Variants in KDM3B observed in about 807,000 individuals in gnomAD.
The protein encoded by KDM3B is lysine demethylase 3B, also known as lysine-specific demethylase 3B.
Under a neutral mutation model 170.0 loss-of-function variants are expected in KDM3B, and 10 were observed. The observed-to-expected ratio is 0.06, with a 90% CI of 0.04 to 0.10. The LOEUF (loss-of-function observed/expected upper bound fraction) is 0.10, where lower values mean the gene tolerates loss of function less well. Among genes scored for constraint, KDM3B ranks in the 10% least tolerant of loss-of-function variants. KDM3B has a pLI of 1.00. For missense variants in KDM3B, 1,394 were observed against 2,195.2 expected (o/e 0.64, Z 7.29); for synonymous variants, 831 against 834.8 (o/e 1.00, Z 0.08).
chr5:138,421,082 A>T, intron 15 of KDM3B, 120 bp downstream of exon 15: 1 of 1,189,252 alleles, frequency 8.4e-7, no homozygotes, highest in Non-Finnish European at 1.2e-6. Flanking sequence ...CAAGCTGACA[A>T]GGTCTCTCTT....
rs1363512488 is a variant in KDM3B, at chr5:138,430,260, A to G, written c.4905A>G (p.Glu1635=). 4 of 1,613,862 alleles carry G rather than the reference A, an allele frequency of 2.5e-6. No homozygotes were observed. The highest frequency in any genetic ancestry group is 3.4e-6 in the Non-Finnish European group (4 of 1,179,910). Residue 1635 remains glutamate, a synonymous_variant, in exon 22 of 24, where the codon GAA becomes GAG. Coordinates refer to ENST00000314358, the MANE Select transcript of KDM3B (RefSeq NM_016604.4). ...GATTATGGCTTCAGGTTGGAGAAGA[A>G]CAAGGCCAAGAGAACCCCCCTGATC... ...IRELLRKVGE[E]QGQENPPDHD... is the part of the protein sequence containing the mutation.
chr5:138,417,391 T>G, intron 12 of KDM3B, 92 bp from the exon 13 acceptor site: 1 of 1,238,876 alleles, frequency 8.1e-7, no homozygotes, highest in Non-Finnish European at 1.1e-6. Flanking sequence ...GTGGTAAGGA[T>G]TGAGGGAGAT....
intron 1 of KDM3B, among the ~76,000 whole-genome samples, chr5:138,356,398 G>A (rs918408339): frequency 1.3e-5 from 2 of 152,098 alleles, no homozygotes; most frequent in Non-Finnish European, 2.9e-5. Context: ...GGTATCATCA[G>A]TCTTTCTCAT....
At chr5:138,408,239 A>C (rs1034058364) in intron 11 of KDM3B, among the ~76,000 whole-genome samples, 12 of 152,060 alleles carry the variant, frequency 7.9e-5, no homozygotes, top group Non-Finnish European at 1.3e-4. Context: ...TGTAAATCAG[A>C]CGCCGCCGCC....
chr5:138,419,367 C>T (rs1763193012), intron 14 of KDM3B, 135 bp downstream of exon 14: 1 of 1,119,560 alleles, frequency 8.9e-7, no homozygotes, highest in East Asian at 2.6e-5. Flanking sequence ...ACATGAGGGA[C>T]TGCCGGGGCC....
intron 1 of KDM3B, among the ~76,000 whole-genome samples, chr5:138,359,600 C>T (rs1465402975): frequency 1.3e-5 from 2 of 151,730 alleles, no homozygotes; most frequent in African/African-American, 4.8e-5. Flanking sequence ...AGCCACTGCA[C>T]TTGGCCTGGA....
Position 138,435,714 on chromosome 5 carries a change from C to T in KDM3B, c.*14C>T, listed in dbSNP as rs2127014431. On this transcript the variant is annotated 3_prime_UTR_variant, in exon 24 of 24. Coordinates refer to ENST00000314358, the MANE Select transcript of KDM3B (RefSeq NM_016604.4). ...GCAAGGTCCTAGGCATGGAGAAACTCCAAGCTCCTCTGTGAAGCAGGTCTT... is the reference window on the plus strand; with the variant it reads ...GCAAGGTCCTAGGCATGGAGAAACTTCAAGCTCCTCTGTGAAGCAGGTCTT... 1 of 1,602,022 alleles carries T rather than the reference C, an allele frequency of 6.2e-7. No homozygotes were observed. The highest frequency in any genetic ancestry group is 8.5e-7 in the Non-Finnish European group (1 of 1,170,752).
intron 1 of KDM3B, among the ~76,000 whole-genome samples, chr5:138,357,120 G>A (rs1215257175): frequency 6.6e-6 from 1 of 152,062 alleles, no homozygotes; most frequent in Non-Finnish European, 1.5e-5. Flanking sequence ...AATCCTCCCA[G>A]GGACTACAGG....
At chr5:138,389,448 A>T (rs1269666111) in intron 7 of KDM3B, among the ~76,000 whole-genome samples, 1 of 152,048 alleles carries the variant, frequency 6.6e-6, no homozygotes, top group Admixed American at 6.6e-5. Flanking sequence ...CTTTTTTTTT[A>T]ATTGTAGTAA....
Position 138,419,666 on chromosome 5 carries a change from A to ATATAT in KDM3B, c.3715+434_3715+435insTATAT, listed in dbSNP as rs1476360145. 2.4e-4 allele frequency among the ~76,000 whole-genome samples: 27 copies of ATATAT among 113,896 alleles called. 1 individual carries two copies. The highest frequency in any genetic ancestry group is 5.8e-4 in the Admixed American group (6 of 10,320). The allele number at this position is 113,896 out of a possible 152,430, so 74.7% of individuals were successfully genotyped here. A position where few individuals can be genotyped will look rare whatever the true frequency, so the allele number is the denominator to read the frequency against. ...AGACTCTGTCTCAAAAAAAAAAAAAAAAATATATATATATATATATATACA... is the reference window on the plus strand; with the variant it reads ...AGACTCTGTCTCAAAAAAAAAAAAAATATATAAATATATATATATATATATATACA... On this transcript the variant is annotated intron_variant, in intron 14 of 23. Coordinates refer to ENST00000314358, the MANE Select transcript of KDM3B (RefSeq NM_016604.4).
intron 1 of KDM3B, among the ~76,000 whole-genome samples, chr5:138,363,183 C>G (rs1000384737): frequency 6.6e-6 from 1 of 151,982 alleles, no homozygotes; most frequent in Non-Finnish European, 1.5e-5. Context: ...TCAGGAAACA[C>G]GGATTTTTCT....
chr5:138,396,486 C>T (rs550611157), intron 9 of KDM3B, among the ~76,000 whole-genome samples: 5 of 152,142 alleles, frequency 3.3e-5, no homozygotes, highest in African/African-American at 1.2e-4. Context: ...GAAATTGGAG[C>T]AAATTTATGT....
Position 138,420,668 on chromosome 5 carries a change from T to G in KDM3B, c.3716-38T>G, listed in dbSNP as rs1213043610. On this transcript the variant is annotated intron_variant, in intron 14 of 23. Transcript: ENST00000314358. ...AGTCAGTTGTGTGCTGATTATTCCT[T>G]TTTGTACCTAATGCTGTTCCTGGTT... is the stretch of plus-strand genomic sequence containing the variant. 1.9e-6 allele frequency: 3 copies of G among 1,609,512 alleles called. No individual in the cohort carries two copies. In the African/African-American group the frequency reaches 4.0e-5, roughly 22 times the overall value.
intron 3 of KDM3B, among the ~76,000 whole-genome samples, chr5:138,377,336 A>G (rs778617768): frequency 2.0e-5 from 3 of 152,258 alleles, no homozygotes; most frequent in Non-Finnish European, 2.9e-5. Context: ...AGCCTATTGT[A>G]TGTAGAAAGA....
In KDM3B at chr5:138,386,269, C is replaced by T. The variant is rs140546320; in HGVS notation, c.1028C>T (p.Pro343Leu). ...CTGGATCAGAGAGCCAAGCAGCCACCGTCTACATTTGTCCCCCAGATAAAC... is the reference window on the plus strand; with the variant it reads ...CTGGATCAGAGAGCCAAGCAGCCACTGTCTACATTTGTCCCCCAGATAAAC... ...PGLDQRAKQP[P>L]STFVPQINRN... Residue 343 changes from proline (P) to leucine (L), a missense_variant, in exon 7 of 24, where the codon CCG (proline) becomes CTG (leucine). Physicochemically the swap from Pro to Leu is moderately conservative, Grantham distance 98. Coordinates refer to ENST00000314358, the MANE Select transcript of KDM3B (RefSeq NM_016604.4). 83 of 1,614,036 alleles carry T rather than the reference C, an allele frequency of 5.1e-5. No homozygotes were observed. Among genetic ancestry groups the T allele is most frequent in the East Asian group, 1.1e-4 (5 of 44,890 alleles).
chr5:138,365,489 C>T (rs1761721620), intron 1 of KDM3B, among the ~76,000 whole-genome samples: 1 of 151,816 alleles, frequency 6.6e-6, no homozygotes, highest in African/African-American at 2.4e-5. Context: ...AACTCCTGAC[C>T]TCAGGTGATC....
intron 5 of KDM3B, among the ~76,000 whole-genome samples, chr5:138,380,812 C>T (rs1762107291): frequency 6.6e-6 from 1 of 151,346 alleles, no homozygotes; most frequent in Non-Finnish European, 1.5e-5. Context: ...GTCCTCCTGC[C>T]TCAGCCTCCC....
chr5:138,430,551 T>C, intron 22 of KDM3B, 126 bp downstream of exon 22: 1 of 856,996 alleles, frequency 1.2e-6, no homozygotes, highest in Non-Finnish European at 1.8e-6. Flanking sequence ...TGCAACTTAT[T>C]TTATGCTTTT....
At chr5:138,435,334 A>C (rs1763645875) in intron 23 of KDM3B, among the ~76,000 whole-genome samples, 1 of 152,218 alleles carries the variant, frequency 6.6e-6, no homozygotes, top group Admixed American at 6.5e-5. Flanking sequence ...GGATTCTGTC[A>C]AGGATTAAGC....
Sources: allele counts gnomAD v4.1 joint callset (sites outside exome capture counted in the v4.1 genomes callset), GRCh38; gene constraint gnomAD v4.1.1; transcripts MANE v1.5; gene names NCBI Gene and HGNC (gene_info 2026-07-23, HGNC 2026-07-21).